Variants in CELF4 observed in about 807,000 individuals in gnomAD.
CELF4 encodes CUG-BP- and ETR-3-like factor 4.
CELF4 carries 18 observed loss-of-function variants against 59.9 expected under a neutral mutation model. That is an observed-to-expected ratio of 0.30 (90% CI 0.21 to 0.45). The LOEUF (loss-of-function observed/expected upper bound fraction) is 0.45, where lower values mean the gene tolerates loss of function less well. Among genes scored for constraint, CELF4 ranks in the 20% least tolerant of loss-of-function variants. The pLI, the probability that CELF4 is intolerant of heterozygous loss-of-function variation, is 1.00. For missense variants in CELF4, 456 were observed against 689.0 expected (o/e 0.66, Z 3.79); for synonymous variants, 261 against 267.1 (o/e 0.98, Z 0.22).
At chr18:37,481,618 C>G (rs914279179) in intron 2 of CELF4, among the ~76,000 whole-genome samples, 3 of 152,314 alleles carry the variant, frequency 2.0e-5, no homozygotes, top group Admixed American at 6.5e-5. Flanking sequence ...CAGAGTGGGC[C>G]TCTCCTGCCC....
chr18:37,501,137 C>T (rs555651405), intron 1 of CELF4, among the ~76,000 whole-genome samples: 208 of 152,286 alleles, frequency 1.4e-3, no homozygotes, highest in African/African-American at 4.6e-3. Flanking sequence ...CATAGGGAGA[C>T]CCTGGGCACA....
intron 2 of CELF4, among the ~76,000 whole-genome samples, chr18:37,376,477 T>C (rs918779259): frequency 6.6e-6 from 1 of 152,178 alleles, no homozygotes; most frequent in Admixed American, 6.5e-5. Context: ...GCAATTCTGC[T>C]CTCTCCTGGG....
chr18:37,549,551 G>A (rs760875860), intron 1 of CELF4, among the ~76,000 whole-genome samples: 9 of 152,126 alleles, frequency 5.9e-5, no homozygotes, highest in Non-Finnish European at 1.2e-4. Flanking sequence ...CCATTCTGCC[G>A]TATCCTGGCA....
intron 2 of CELF4, among the ~76,000 whole-genome samples, chr18:37,474,689 C>A (rs1461812107): frequency 6.6e-6 from 1 of 152,204 alleles, no homozygotes; most frequent in Non-Finnish European, 1.5e-5. Flanking sequence ...CTGGCTGTAG[C>A]GAGTACACAG....
intron 1 of CELF4, among the ~76,000 whole-genome samples, chr18:37,564,939 G>A (rs1321173455): frequency 6.6e-6 from 1 of 152,100 alleles, no homozygotes; most frequent in African/African-American, 2.4e-5. Flanking sequence ...AGTATTTTCA[G>A]CACCACGGCG....
chr18:37,398,712 T>C lies in CELF4; in HGVS notation c.370-76831A>G, dbSNP rs979859263. On this transcript the variant is annotated intron_variant, in intron 2 of 12. Transcript: ENST00000420428. ...GCTTGAGGCCTCTGGCCTTTGTTTC[T>C]CTCCAAGGCGTGGGGGTTCCGGAGA... Among the ~76,000 whole-genome samples the C allele has an allele frequency of 7.2e-5, 11 of 152,230 alleles. No individual in the cohort carries two copies. The East Asian group carries it at 2.1e-3, about 30-fold the overall frequency.
At chr18:37,373,032 T>TA (rs533194242) in intron 2 of CELF4, among the ~76,000 whole-genome samples, 2 of 152,162 alleles carry the variant, frequency 1.3e-5, no homozygotes, top group South Asian at 4.1e-4. Context: ...TAACTCCACT[T>TA]ACATCTCACA....
At chr18:37,533,803 G>C (rs149162412) in intron 1 of CELF4, among the ~76,000 whole-genome samples, 1 of 152,192 alleles carries the variant, frequency 6.6e-6, no homozygotes, top group African/African-American at 2.4e-5. Context: ...GGAGAAATTC[G>C]GGGGATGGGG....
At chr18:37,266,217 G>A in intron 9 of CELF4, 1 of 497,910 alleles carries the variant, frequency 2.0e-6, no homozygotes, top group Non-Finnish European at 3.7e-6. Context: ...GTGCTCCTGG[G>A]CAAAGTGGCC....
intron 1 of CELF4, among the ~76,000 whole-genome samples, chr18:37,560,685 T>C (rs1445032693): frequency 6.6e-6 from 1 of 152,200 alleles, no homozygotes; most frequent in Non-Finnish European, 1.5e-5. Context: ...AAAAAGTTCA[T>C]CTTAATTGAG....
intron 2 of CELF4, among the ~76,000 whole-genome samples, chr18:37,360,372 A>G (rs1434297794): frequency 6.6e-6 from 1 of 152,210 alleles, no homozygotes; most frequent in Non-Finnish European, 1.5e-5. Flanking sequence ...CCGGCTGCAC[A>G]GGAACCAGCC....
intron 1 of CELF4, chr18:37,486,020 T>C (rs1249267882): frequency 6.4e-6 from 1 of 156,842 alleles, no homozygotes; most frequent in Non-Finnish European, 1.4e-5. Flanking sequence ...GGGCTGTCTT[T>C]CTGGCCGGTA....
chr18:37,507,908 G>A (rs1022693188), intron 1 of CELF4, among the ~76,000 whole-genome samples: 6 of 151,928 alleles, frequency 3.9e-5, no homozygotes, highest in Admixed American at 6.6e-5. Flanking sequence ...CAGCACCCCC[G>A]AGCCAGAAAC....
At chr18:37,284,747 C>A (rs1355533106) in intron 3 of CELF4, among the ~76,000 whole-genome samples, 2 of 152,190 alleles carry the variant, frequency 1.3e-5, no homozygotes, top group African/African-American at 4.8e-5. Context: ...TCTCATTTCG[C>A]CCCCAGTTAC....
chr18:37,306,587 T>C (rs1346555269), intron 3 of CELF4, among the ~76,000 whole-genome samples: 1 of 152,242 alleles, frequency 6.6e-6, no homozygotes. Context: ...TGAGTGGCTT[T>C]GGGTGTGGCC....
chr18:37,301,378 G>C (rs2096022216), intron 3 of CELF4, among the ~76,000 whole-genome samples: 1 of 152,150 alleles, frequency 6.6e-6, no homozygotes, highest in Admixed American at 6.5e-5. Context: ...AGAGATGGGG[G>C]CATGGGTCCC....
intron 3 of CELF4, among the ~76,000 whole-genome samples, chr18:37,300,848 C>A: frequency 6.6e-6 from 1 of 152,178 alleles, no homozygotes; most frequent in East Asian, 1.9e-4. Flanking sequence ...GCAGTGGCAT[C>A]TGGGGGTGCC....
At chr18:37,255,594 T>G (rs2068772884) in intron 11 of CELF4, among the ~76,000 whole-genome samples, 1 of 151,262 alleles carries the variant, frequency 6.6e-6, no homozygotes, top group African/African-American at 2.4e-5. Context: ...CGTCCCCACC[T>G]CCGCTGACCT....
chr18:37,482,171 G>A (rs1162799213), intron 2 of CELF4, among the ~76,000 whole-genome samples: 5 of 152,160 alleles, frequency 3.3e-5, no homozygotes, highest in African/African-American at 9.7e-5. Context: ...AGGTGGATGT[G>A]TTTTTCTTAT....
Sources: allele counts gnomAD v4.1 joint callset (sites outside exome capture counted in the v4.1 genomes callset), GRCh38; gene constraint gnomAD v4.1.1; transcripts MANE v1.5; gene names NCBI Gene and HGNC (gene_info 2026-07-23, HGNC 2026-07-21).